MAGI2: variants seen among roughly 807,000 people sequenced by gnomAD.
MAGI2 encodes membrane associated guanylate kinase, WW and PDZ domain containing 2, also known as membrane-associated guanylate kinase, WW and PDZ domain-containing protein 2.
MAGI2 carries 35 observed loss-of-function variants against 133.3 expected under a neutral mutation model. The observed-to-expected ratio is 0.26, with a 90% CI of 0.20 to 0.35. The LOEUF is 0.35. MAGI2 is among the 10% of genes least tolerant of loss of function. The pLI, the probability that MAGI2 is intolerant of heterozygous loss-of-function variation, is 1.00. For missense variants in MAGI2, 1,636 were observed against 1,863.4 expected (o/e 0.88, Z 2.25); for synonymous variants, 729 against 710.6 (o/e 1.03, Z -0.41).
chr7:78,317,545 G>A (rs867804807), intron 9 of MAGI2, among the ~76,000 whole-genome samples: 9 of 152,226 alleles, frequency 5.9e-5, no homozygotes, highest in African/African-American at 1.2e-4. Flanking sequence ...GGGGGAAGGC[G>A]CGGCTGTGGG....
chr7:78,221,623 A>G (rs4515481), intron 10 of MAGI2, among the ~76,000 whole-genome samples: 43,024 of 151,866 alleles, frequency 0.28, 7,008 homozygotes, highest in Non-Finnish European at 0.36. Context: ...TATCGCTCAT[A>G]TTATTTGCAT....
chr7:79,396,148 G>A (rs181013208), intron 1 of MAGI2, among the ~76,000 whole-genome samples: 28 of 151,514 alleles, frequency 1.8e-4, no homozygotes, highest in Admixed American at 7.2e-4. Context: ...TTCTTTCTTG[G>A]GCTCATAACT....
chr7:78,614,355 A>C (rs1226741983), intron 3 of MAGI2: 1 of 152,054 alleles, frequency 6.6e-6, no homozygotes, highest in Non-Finnish European at 1.5e-5. Flanking sequence ...TTCTAAAAAA[A>C]ATGGATAAAC....
intron 17 of MAGI2, 94 bp downstream of exon 17, chr7:78,134,927 G>C (rs1050589462): frequency 1.9e-6 from 2 of 1,069,322 alleles, no homozygotes; most frequent in African/African-American, 3.1e-5. Flanking sequence ...CGGCAGGCAG[G>C]TGCACTCCGC....
intron 1 of MAGI2, among the ~76,000 whole-genome samples, chr7:79,324,713 ATG>A (rs1330646731): frequency 5.5e-5 from 2 of 36,310 alleles, no homozygotes; most frequent in African/African-American, 9.2e-5. Context: ...TATATTATAT[ATG>A]TATATAAAAT....
intron 1 of MAGI2, among the ~76,000 whole-genome samples, chr7:79,051,273 A>G (rs1812645028): frequency 6.6e-6 from 1 of 152,306 alleles, no homozygotes; most frequent in Admixed American, 6.5e-5. Flanking sequence ...ATAGATTGTC[A>G]CTAATACCGT....
chr7:78,369,169 T>G lies in MAGI2; in HGVS notation c.1090A>C (p.Thr364Pro). 6.2e-7 allele frequency: 1 copy of G among 1,603,088 alleles called. No individual in the cohort carries two copies. The highest frequency in any genetic ancestry group is 8.5e-7 in the Non-Finnish European group (1 of 1,173,392). ...TTAGAGACTTACTCAACATAATAAG[T>G]GCCATAAATGGGATCATCGATTTTT... ...WEKIDDPIYG[T>P]YYVDHINRRT... Residue 364 changes from threonine (T) to proline (P), a missense_variant, in exon 7 of 22, where the codon ACT becomes CCT. By Grantham distance (38) the Thr-to-Pro change is conservative. Transcript: ENST00000354212.
chr7:78,846,120 T>C (rs1197305114), intron 2 of MAGI2, among the ~76,000 whole-genome samples: 1 of 151,834 alleles, frequency 6.6e-6, no homozygotes, highest in Non-Finnish European at 1.5e-5. Flanking sequence ...CAAGGTACCA[T>C]GATGTGTTTA....
At chr7:78,431,968 G>C (rs1799838634) in intron 6 of MAGI2, among the ~76,000 whole-genome samples, 4 of 151,918 alleles carry the variant, frequency 2.6e-5, no homozygotes, top group Admixed American at 2.6e-4. Flanking sequence ...ACAGACTGTA[G>C]CCAATTTTCA....
chr7:79,351,506 T>C (rs1363135609), intron 1 of MAGI2, among the ~76,000 whole-genome samples: 1 of 152,122 alleles, frequency 6.6e-6, no homozygotes, highest in African/African-American at 2.4e-5. Context: ...AGGAGAAAAG[T>C]ATAAATAAAG....
chr7:78,286,295 T>G (rs548462815), intron 9 of MAGI2, among the ~76,000 whole-genome samples: 14 of 152,258 alleles, frequency 9.2e-5, no homozygotes, highest in African/African-American at 3.4e-4. Flanking sequence ...ATCCACACTT[T>G]TAAAAGATAT....
Position 79,292,155 on chromosome 7 carries a change from G to T in MAGI2, c.301+160865C>A, listed in dbSNP as rs867067565. Among the ~76,000 whole-genome samples the T allele has an allele frequency of 7.2e-5, 11 of 152,084 alleles. 1 individual carries two copies. In the Middle Eastern group the frequency reaches 0.024, roughly 331 times the overall value. ...TCCAGTTATTTCAGTACCATTTTTT[G>T]AAAAACCTACAAATTGTCTTGGCAA... On this transcript the variant is annotated intron_variant, in intron 1 of 21. Transcript: ENST00000354212.
At chr7:78,495,307 C>T (rs1793987453) in intron 5 of MAGI2, among the ~76,000 whole-genome samples, 1 of 152,120 alleles carries the variant, frequency 6.6e-6, no homozygotes, top group African/African-American at 2.4e-5. Flanking sequence ...GCTCCCCTCC[C>T]TGTGTCCATG....
At chr7:78,604,251 C>T (rs1004502646) in intron 3 of MAGI2, among the ~76,000 whole-genome samples, 8 of 151,900 alleles carry the variant, frequency 5.3e-5, no homozygotes, top group African/African-American at 1.9e-4. Context: ...GTAGGATGGC[C>T]CTGAGATGGA....
intron 6 of MAGI2, among the ~76,000 whole-genome samples, chr7:78,428,869 CAG>C (rs1799528264): frequency 6.6e-6 from 1 of 152,172 alleles, no homozygotes; most frequent in Non-Finnish European, 1.5e-5. Context: ...ATTCAAGCTT[CAG>C]AGACACAGTA....
At chr7:78,571,977 C>T (rs548498669) in intron 3 of MAGI2, among the ~76,000 whole-genome samples, 23 of 152,198 alleles carry the variant, frequency 1.5e-4, no homozygotes, top group African/African-American at 5.3e-4. Flanking sequence ...GCAGGACTTA[C>T]CACTATTTGT....
intron 2 of MAGI2, among the ~76,000 whole-genome samples, chr7:78,629,140 G>A (rs966665135): frequency 1.3e-5 from 2 of 152,066 alleles, no homozygotes; most frequent in Non-Finnish European, 2.9e-5. Flanking sequence ...TTGTAGTTGT[G>A]CTCTTCTTGG....
Position 78,019,274 on chromosome 7 carries a change from TGCCTGC to T in MAGI2, c.*35_*40del. 1.1e-5 allele frequency: 17 copies of T among 1,574,534 alleles called. No homozygotes were observed. The South Asian group carries it at 2.0e-4, about 18-fold the overall frequency. On this transcript the variant is annotated 3_prime_UTR_variant, in exon 22 of 22. Coordinates refer to ENST00000354212, the MANE Select transcript of MAGI2 (RefSeq NM_012301.4). ...CCGTGAGACGGAACCTAAGAAGAAC[TGCCTGC>T]GCCGGGGCGGGCGGGTTGGCCGTGG...
intron 2 of MAGI2, among the ~76,000 whole-genome samples, chr7:78,893,361 C>T (rs1208410136): frequency 6.6e-6 from 1 of 152,092 alleles, no homozygotes; most frequent in Non-Finnish European, 1.5e-5. Flanking sequence ...ACCATTTGAC[C>T]CAGCCATCCC....
Sources: gnomAD v4.1 joint callset for allele counts (sites outside exome capture counted in the v4.1 genomes callset) on GRCh38, gnomAD v4.1.1 for gene constraint, MANE v1.5 for transcripts, NCBI Gene and HGNC (gene_info 2026-07-23, HGNC 2026-07-21) for gene names.